Variants in PPP2R5D observed in about 807,000 individuals in gnomAD.
PPP2R5D encodes the protein protein phosphatase 2 regulatory subunit B'delta, also known as serine/threonine-protein phosphatase 2A 56 kDa regulatory subunit delta isoform.
PPP2R5D carries 12 observed loss-of-function variants against 79.1 expected under a neutral mutation model. That is an observed-to-expected ratio of 0.15 (90% confidence interval 0.10 to 0.25). PPP2R5D has a LOEUF of 0.25. Among genes scored for constraint, PPP2R5D ranks in the 10% least tolerant of loss-of-function variants. The pLI is 1.00. For missense variants in PPP2R5D, 419 were observed against 760.2 expected (o/e 0.55, Z 5.28); for synonymous variants, 277 against 286.6 (o/e 0.97, Z 0.34).
chr6:43,002,343 T>G (rs1021149574), intron 2 of PPP2R5D, among the ~76,000 whole-genome samples: 11 of 152,100 alleles, frequency 7.2e-5, no homozygotes, highest in African/African-American at 2.4e-4. Flanking sequence ...TTTTGTATCT[T>G]TAGTAGAGGC....
Position 42,998,011 on chromosome 6 carries a change from TTATTTATATA to T in PPP2R5D, c.105+8327_105+8336del, listed in dbSNP as rs1356759644. Among the ~76,000 whole-genome samples, 84 of 72,554 alleles carry T rather than the reference TTATTTATATA, an allele frequency of 1.2e-3. 1 individual carries two copies. Among genetic ancestry groups the T allele is most frequent in the Middle Eastern group, 5.8e-3 (1 of 172 alleles). The allele number at this position is 72,554 out of a possible 152,430, so 47.6% of individuals were successfully genotyped here. The stretch of plus-strand genomic sequence containing the variant: ...TTATTTATATTTGAATATTTGGGTT[TTATTTATATA>T]TATATATATATATATATATATATAT... On this transcript the variant is annotated intron_variant, in intron 2 of 15. Transcript: ENST00000485511.
intron 1 of PPP2R5D, among the ~76,000 whole-genome samples, chr6:42,987,128 T>C (rs1222195259): frequency 6.6e-6 from 1 of 152,188 alleles, no homozygotes; most frequent in African/African-American, 2.4e-5. Flanking sequence ...CTCCTTTCTT[T>C]TCTGGATTTG....
At chr6:42,998,040 TATATATATATATATATA>T (rs1383101688) in intron 2 of PPP2R5D, among the ~76,000 whole-genome samples, 9 of 29,294 alleles carry the variant, frequency 3.1e-4, no homozygotes, top group South Asian at 1.5e-3. Context: ...TATATATATA[TATATATATATATATATA>T]TTTTTTTTTT....
rs1307804667 is a variant in PPP2R5D at position 43,010,775 on chromosome 6, G to C, written c.1554+39G>C. ...GCCACTGTTGTGAACTGAGGGGCCAGCCCATCTTGAGCTGGGGGAGAGTTT... is the reference window on the plus strand; with the variant it reads ...GCCACTGTTGTGAACTGAGGGGCCACCCCATCTTGAGCTGGGGGAGAGTTT... On this transcript the variant is annotated intron_variant, in intron 14 of 15. Coordinates refer to ENST00000485511, the MANE Select transcript of PPP2R5D (RefSeq NM_006245.4). This position sits in a 1 kb window ranked among gnomAD's most constrained non-coding sequence, Gnocchi z 4.7. The C allele has an allele frequency of 6.2e-7, 1 of 1,610,830 alleles. No homozygotes were observed. Among genetic ancestry groups the C allele is most frequent in the African/African-American group, 1.3e-5 (1 of 74,858 alleles).
intron 2 of PPP2R5D, among the ~76,000 whole-genome samples, chr6:42,996,087 G>A (rs1278199654): frequency 2.8e-5 from 4 of 140,600 alleles, no homozygotes; most frequent in African/African-American, 5.2e-5. Flanking sequence ...CTCGTGATCC[G>A]CCCGCCTCGG....
In PPP2R5D at chr6:42,995,126, C is replaced by CTTTTTTTTT. The variant is rs889250251; in HGVS notation, c.105+5451_105+5459dup. On this transcript the variant is annotated intron_variant, in intron 2 of 15. Transcript: ENST00000485511. ...TTGTGTCCCACCGAACTTTTTCTTT[C>CTTTTTTTTT]TTTTTTTTTTTTTTTTTTTTTGGAG... Among the ~76,000 whole-genome samples the CTTTTTTTTT allele has an allele frequency of 8.7e-4, 92 of 106,336 alleles. 2 individuals carry two copies. The highest frequency in any genetic ancestry group is 1.3e-3 in the Non-Finnish European group (74 of 54,944). The allele number at this position is 106,336 out of a possible 152,430, so 69.8% of individuals were successfully genotyped here.
intron 2 of PPP2R5D, among the ~76,000 whole-genome samples, chr6:42,991,936 G>T (rs1771292321): frequency 6.6e-6 from 1 of 152,162 alleles, no homozygotes; most frequent in African/African-American, 2.4e-5. Flanking sequence ...GGTATGAGAT[G>T]GCAGCAGGAA....
Position 43,001,530 on chromosome 6 carries a change from A to C in PPP2R5D, c.106-4933A>C, listed in dbSNP as rs187028829. ...AGGAGATTCTAGGCTGCATTCCTAA[A>C]ACCTGGATATGGGAAATAATAGTAA... On this transcript the variant is annotated intron_variant, in intron 2 of 15. Transcript: ENST00000485511. Among the ~76,000 whole-genome samples the C allele has an allele frequency of 1.4e-3, 215 of 152,272 alleles. 1 individual carries two copies. The highest frequency in any genetic ancestry group is 4.9e-3 in the African/African-American group (202 of 41,562).
intron 2 of PPP2R5D, among the ~76,000 whole-genome samples, chr6:42,996,979 CTTAAA>C (rs1235482644): frequency 6.6e-6 from 1 of 151,844 alleles, no homozygotes; most frequent in Non-Finnish European, 1.5e-5. Flanking sequence ...TTCTATAGTG[CTTAAA>C]TTATATTGTT....
At chr6:42,997,152 C>T (rs989963804) in intron 2 of PPP2R5D, among the ~76,000 whole-genome samples, 8 of 151,338 alleles carry the variant, frequency 5.3e-5, no homozygotes, top group Admixed American at 2.0e-4. Flanking sequence ...CCCGCTACCA[C>T]GCCCGGCTAA....
chr6:43,001,656 G>A (rs993535235), intron 2 of PPP2R5D, among the ~76,000 whole-genome samples: 4 of 151,906 alleles, frequency 2.6e-5, no homozygotes, highest in Admixed American at 2.0e-4. Flanking sequence ...AGGCTGAGGC[G>A]GGCGGATCAT....
chr6:43,008,228 C>G lies in PPP2R5D; in HGVS notation c.885C>G (p.Asn295Lys), dbSNP rs768102492. The G allele has an allele frequency of 6.2e-7, 1 of 1,614,130 alleles. No homozygotes were observed. ...YRFIYETEHH[N>K]GIAELLEILG... ...TCATCTACGAGACGGAGCATCACAA[C>G]GGGATTGCTGAGCTCCTGGAGATCC... The change falls in exon 8 of 16, where the codon AAC becomes AAG. Residue 295 changes from asparagine to lysine, a missense_variant. By Grantham distance (94) the Asn-to-Lys change is moderately conservative (BLOSUM62 0). Around this residue, in one of 5 missense-constraint regions of PPP2R5D, gnomAD observed 196 missense variants for 424.5 expected, o/e 0.46. Transcript: ENST00000485511. The surrounding 1 kb of genome is among the most constrained non-coding windows in gnomAD (Gnocchi z 4.2).
In PPP2R5D at chr6:43,006,312, C is replaced by T; in HGVS notation, c.106-151C>T. On this transcript the variant is annotated intron_variant, in intron 2 of 15. Coordinates refer to ENST00000485511, the MANE Select transcript of PPP2R5D (RefSeq NM_006245.4). This position sits in a 1 kb window ranked among gnomAD's most constrained non-coding sequence, Gnocchi z 4.7. ...CCTGCCAGGGCTACAGCACAGTTAT[C>T]TCTGTAACCCTGGCCTTAGCTCCTT... The T allele has an allele frequency of 7.3e-7, 1 of 1,367,578 alleles. No individual in the cohort carries two copies. Among genetic ancestry groups the T allele is most frequent in the Non-Finnish European group, 9.7e-7 (1 of 1,035,206 alleles). 84.7% of individuals were successfully genotyped at this position (1,367,578 alleles called of 1,614,324 possible).
intron 1 of PPP2R5D, among the ~76,000 whole-genome samples, chr6:42,988,782 A>G (rs1341615613): frequency 2.3e-4 from 35 of 152,230 alleles, no homozygotes; most frequent in Admixed American, 2.3e-3. Flanking sequence ...ACAAGATGGA[A>G]GGTCACATGA....
chr6:42,985,050 C>T (rs1198468753), intron 1 of PPP2R5D, among the ~76,000 whole-genome samples: 1 of 151,786 alleles, frequency 6.6e-6, no homozygotes, highest in African/African-American at 2.4e-5. Flanking sequence ...GCCCCGATCC[C>T]CCTTCGGTTT....
chr6:42,999,550 ATTTTGTTTCATTTG>A (rs2150266891), intron 2 of PPP2R5D, among the ~76,000 whole-genome samples: 1 of 151,966 alleles, frequency 6.6e-6, no homozygotes, highest in East Asian at 1.9e-4. Context: ...GGTGGTTTTT[ATTTTGTTTCATTTG>A]TTTTGTTTTG....
chr6:43,003,327 C>G (rs1039050841), intron 2 of PPP2R5D, among the ~76,000 whole-genome samples: 20 of 152,196 alleles, frequency 1.3e-4, no homozygotes, highest in African/African-American at 4.6e-4. Context: ...GAGGCTGAGG[C>G]AGGAGAATCA....
intron 2 of PPP2R5D, among the ~76,000 whole-genome samples, chr6:43,004,954 T>A (rs114231320): frequency 0.018 from 2,759 of 151,952 alleles, 38 homozygotes; most frequent in Middle Eastern, 0.048. Context: ...TTCACCTTGC[T>A]GGCCAGCTGG....
chr6:43,002,509 T>C (rs1761801071), intron 2 of PPP2R5D, among the ~76,000 whole-genome samples: 1 of 152,066 alleles, frequency 6.6e-6, no homozygotes, highest in Non-Finnish European at 1.5e-5. Context: ...CAGAGGAGTG[T>C]CTGGATACAC....
Sources: gnomAD v4.1 joint callset for allele counts (sites outside exome capture counted in the v4.1 genomes callset) on GRCh38, gnomAD v4.1.1 for gene constraint, gnomAD v4.1.1 regional missense constraint, Gnocchi (gnomAD v3.1) non-coding constraint, MANE v1.5 for transcripts, NCBI Gene and HGNC (gene_info 2026-07-23, HGNC 2026-07-21) for gene names.